Variants in TMEM156 observed in about 807,000 individuals in gnomAD.
TMEM156 encodes the protein transmembrane protein 156.
Under a neutral mutation model 30.5 loss-of-function variants are expected in TMEM156, and 28 were observed. The observed-to-expected ratio is 0.92, with a 90% CI of 0.68 to 1.26. TMEM156 has a LOEUF of 1.26. Among genes scored for constraint, TMEM156 ranks in the 50% most tolerant of loss-of-function variants. The pLI is 0.00. For missense variants in TMEM156, 351 were observed against 340.6 expected (o/e 1.03, Z -0.24); for synonymous variants, 137 against 119.9 (o/e 1.14, Z -0.93).
chr4:39,001,128 C>T (rs12651188), intron 1 of TMEM156, among the ~76,000 whole-genome samples: 41,072 of 149,066 alleles, frequency 0.28, 6,183 homozygotes, highest in East Asian at 0.44. Context: ...CCGACCACTT[C>T]GGGAGGCTGA....
rs115485405 is a variant in TMEM156, at chr4:38,995,002, G to A, written c.359-1004C>T. ...CTAAAGCTAGAAGTGTGAGATCAAGGTGTTGGCACGGTTGATTTGTTCTGA... is the reference window on the plus strand; with the variant it reads ...CTAAAGCTAGAAGTGTGAGATCAAGATGTTGGCACGGTTGATTTGTTCTGA... On this transcript the variant is annotated intron_variant, in intron 2 of 6. Coordinates refer to ENST00000381938, the MANE Select transcript of TMEM156 (RefSeq NM_024943.3). Among the ~76,000 whole-genome samples the A allele has an allele frequency of 3.4e-3, 515 of 152,226 alleles. 3 individuals are homozygous for A. The highest frequency in any genetic ancestry group is 5.5e-3 in the Non-Finnish European group (374 of 67,994).
intron 2 of TMEM156, among the ~76,000 whole-genome samples, chr4:38,994,954 G>C (rs1334203051): frequency 6.6e-6 from 1 of 151,818 alleles, no homozygotes. Flanking sequence ...AAAAAGAAAA[G>C]AACAGAAGTT....
intron 3 of TMEM156, among the ~76,000 whole-genome samples, chr4:38,991,098 G>T (rs1247361955): frequency 6.6e-6 from 1 of 151,844 alleles, no homozygotes; most frequent in Non-Finnish European, 1.5e-5. Context: ...GCCTCCCAAA[G>T]TGCTAGGATT....
chr4:39,026,521 G>A (rs887450940), intron 1 of TMEM156, among the ~76,000 whole-genome samples: 3 of 152,058 alleles, frequency 2.0e-5, no homozygotes, highest in Non-Finnish European at 4.4e-5. Flanking sequence ...GATGAAAAGC[G>A]TTATATTTAA....
At chr4:39,015,409 G>T (rs896722425) in intron 1 of TMEM156, among the ~76,000 whole-genome samples, 1 of 152,180 alleles carries the variant, frequency 6.6e-6, no homozygotes, top group African/African-American at 2.4e-5. Flanking sequence ...ATGTCAGAGT[G>T]ATACAATATG....
At position 39,017,171 on chromosome 4, in the gene TMEM156, C is replaced by CTTTTTTTTT. The variant is rs1159565890; in HGVS notation, c.88+15046_88+15054dup. Among the ~76,000 whole-genome samples the CTTTTTTTTT allele has an allele frequency of 1.8e-4, 16 of 91,288 alleles. 1 individual carries two copies. The highest frequency in any genetic ancestry group is 4.9e-4 in the African/African-American group (11 of 22,416). The allele number at this position is 91,288 out of a possible 152,430, so 59.9% of individuals were successfully genotyped here. On this transcript the variant is annotated intron_variant, in intron 1 of 6. Transcript: ENST00000381938. ...AAACCATATCAAGTATGTATTTCTT[C>CTTTTTTTTT]TTTTTTTTTTTTTTTTTTTTTGAGA...
chr4:39,028,847 C>T (rs1202687802), intron 1 of TMEM156, among the ~76,000 whole-genome samples: 4 of 152,134 alleles, frequency 2.6e-5, no homozygotes, highest in Admixed American at 2.6e-4. Context: ...ATCTTAGCTG[C>T]CTTTCAAATA....
intron 6 of TMEM156, among the ~76,000 whole-genome samples, chr4:38,970,754 C>G (rs16995025): frequency 6.6e-6 from 1 of 152,152 alleles, no homozygotes; most frequent in East Asian, 1.9e-4. Flanking sequence ...GGCTCAACTC[C>G]GGAAAAACAG....
intron 6 of TMEM156, among the ~76,000 whole-genome samples, chr4:38,969,359 T>A (rs1178777644): frequency 6.6e-6 from 1 of 152,228 alleles, no homozygotes; most frequent in Non-Finnish European, 1.5e-5. Context: ...CGTGGCTTAC[T>A]TCACTTGAGA....
In TMEM156 at chr4:39,032,380, G is replaced by T; in HGVS notation, c.-67C>A. The T allele has an allele frequency of 1.1e-6, 1 of 912,812 alleles. No individual in the cohort carries two copies. 56.5% of individuals were successfully genotyped at this position (912,812 alleles called of 1,614,324 possible). ...CATGGTATGTTGCTTCCTGCTTTAA[G>T]TTTATCTCTGCAGCACTTTAGGTTA... On this transcript the variant is annotated 5_prime_UTR_variant, in exon 1 of 7. Transcript: ENST00000381938.
At chr4:38,994,829 G>A (rs1415304538) in intron 2 of TMEM156, among the ~76,000 whole-genome samples, 2 of 151,980 alleles carry the variant, frequency 1.3e-5, no homozygotes, top group Non-Finnish European at 2.9e-5. Flanking sequence ...GTGCCTGCAG[G>A]TGTAGCTACT....
chr4:39,012,137 C>CA lies in TMEM156; in HGVS notation c.89-13229dup, dbSNP rs1435397525. 5.3e-5 allele frequency among the ~76,000 whole-genome samples: 8 copies of CA among 152,270 alleles called. No homozygotes were observed. The South Asian group carries it at 1.7e-3, about 32-fold the overall frequency. On this transcript the variant is annotated intron_variant, in intron 1 of 6. Coordinates refer to ENST00000381938, the MANE Select transcript of TMEM156 (RefSeq NM_024943.3). ...AGCATCACATAATATATCCATGTAA[C>CA]AAACCTGCACATGTACCCTCTGAAT...
At chr4:39,010,987 T>C (rs1714074128) in intron 1 of TMEM156, among the ~76,000 whole-genome samples, 2 of 152,022 alleles carry the variant, frequency 1.3e-5, no homozygotes, top group African/African-American at 2.4e-5. Context: ...ACCTACAAAA[T>C]GGAAGAAAAT....
intron 1 of TMEM156, among the ~76,000 whole-genome samples, chr4:39,015,020 C>T (rs1215461546): frequency 6.6e-6 from 1 of 152,104 alleles, no homozygotes; most frequent in Non-Finnish European, 1.5e-5. Context: ...AACTCTTGAG[C>T]TTTCCATTGC....
intron 1 of TMEM156, among the ~76,000 whole-genome samples, chr4:39,030,560 C>G (rs1715452554): frequency 6.6e-6 from 1 of 152,184 alleles, no homozygotes; most frequent in Admixed American, 6.5e-5. Flanking sequence ...CTTTGAGAAA[C>G]AAAAACTAAA....
chr4:39,006,804 G>T (rs187864717), intron 1 of TMEM156, among the ~76,000 whole-genome samples: 2 of 152,070 alleles, frequency 1.3e-5, no homozygotes, highest in South Asian at 4.2e-4. Flanking sequence ...TTAGCCAGGC[G>T]TGGTAGTGCG....
chr4:38,979,389 T>C (rs1249046782), intron 5 of TMEM156, among the ~76,000 whole-genome samples: 1 of 152,226 alleles, frequency 6.6e-6, no homozygotes, highest in African/African-American at 2.4e-5. Flanking sequence ...GCAAAGCTAG[T>C]GTGGCTGCCT....
At chr4:38,968,193 G>A (rs567246565) in intron 6 of TMEM156, among the ~76,000 whole-genome samples, 1 of 152,310 alleles carries the variant, frequency 6.6e-6, no homozygotes, top group East Asian at 1.9e-4. Context: ...GCTACAGCAT[G>A]TTTGGTTTAT....
chr4:39,007,746 T>G (rs1181244086), intron 1 of TMEM156, among the ~76,000 whole-genome samples: 1 of 152,138 alleles, frequency 6.6e-6, no homozygotes, highest in Admixed American at 6.6e-5. Flanking sequence ...CATGAGCCAC[T>G]GCACCCAGCC....
Sources: allele counts gnomAD v4.1 joint callset (sites outside exome capture counted in the v4.1 genomes callset), GRCh38; gene constraint gnomAD v4.1.1; transcripts MANE v1.5; gene names NCBI Gene and HGNC (gene_info 2026-07-23, HGNC 2026-07-21).